The following RBMS3 variants were observed in gnomAD, a reference collection of about 807,000 sequenced individuals.
The protein encoded by RBMS3 is RNA-binding motif, single-stranded-interacting protein 3.
In RBMS3, 27 loss-of-function variants were observed where a neutral mutation model predicts 66.8. The ratio of observed to expected loss-of-function variants is 0.40; its 90% CI spans 0.30 to 0.56. RBMS3 has a LOEUF of 0.56. Among genes scored for constraint, RBMS3 ranks in the 20% least tolerant of loss-of-function variants. RBMS3 has a pLI of 0.40. For missense variants in RBMS3, 513 were observed against 549.5 expected (o/e 0.93, Z 0.66); for synonymous variants, 188 against 183.0 (o/e 1.03, Z -0.22).
chr3:29,558,217 A>T (rs746892018), intron 3 of RBMS3, among the ~76,000 whole-genome samples: 1 of 152,170 alleles, frequency 6.6e-6, no homozygotes, highest in South Asian at 2.1e-4. Flanking sequence ...TATACAGGAC[A>T]AGTGAAGGAG....
At chr3:29,723,833 A>G (rs1211211240) in intron 4 of RBMS3, among the ~76,000 whole-genome samples, 7 of 152,184 alleles carry the variant, frequency 4.6e-5, no homozygotes, top group Admixed American at 4.6e-4. Flanking sequence ...CAGCATTTTA[A>G]TGTACTGCAG....
chr3:29,734,557 A>G (rs2054294467), intron 4 of RBMS3, among the ~76,000 whole-genome samples: 1 of 152,054 alleles, frequency 6.6e-6, no homozygotes, highest in African/African-American at 2.4e-5. Flanking sequence ...ATGTTTTTTA[A>G]AAAGGGTTCG....
At chr3:29,571,027 G>T (rs1189966485) in intron 3 of RBMS3, among the ~76,000 whole-genome samples, 2 of 151,838 alleles carry the variant, frequency 1.3e-5, no homozygotes, top group East Asian at 3.9e-4. Flanking sequence ...ATTTTAACTG[G>T]GCTGAGATGA....
intron 10 of RBMS3, among the ~76,000 whole-genome samples, chr3:29,928,073 G>A (rs905156633): frequency 2.6e-5 from 4 of 151,140 alleles, no homozygotes; most frequent in Non-Finnish European, 4.4e-5. Context: ...AAAAACTAAC[G>A]CAGCTCTAGG....
chr3:29,659,587 C>T (rs999791988), intron 4 of RBMS3, among the ~76,000 whole-genome samples: 1 of 152,166 alleles, frequency 6.6e-6, no homozygotes, highest in Non-Finnish European at 1.5e-5. Flanking sequence ...AATACTATTA[C>T]AGTATATGTA....
chr3:29,719,705 A>T (rs56123962), intron 4 of RBMS3, among the ~76,000 whole-genome samples: 63,785 of 151,988 alleles, frequency 0.42, 14,405 homozygotes, highest in African/African-American at 0.6. Flanking sequence ...AGGACGCAAA[A>T]GTCAAAACCC....
chr3:29,487,560 C>T (rs905003084), intron 2 of RBMS3, among the ~76,000 whole-genome samples: 8 of 152,000 alleles, frequency 5.3e-5, no homozygotes, highest in African/African-American at 1.2e-4. Flanking sequence ...TCAGAGAATG[C>T]CGAGGGCTGG....
intron 1 of RBMS3, among the ~76,000 whole-genome samples, chr3:29,397,446 G>A (rs1414909196): frequency 1.3e-5 from 2 of 152,066 alleles, no homozygotes; most frequent in East Asian, 3.9e-4. Context: ...CCCCAAATTG[G>A]CCTTGGTTTT....
At chr3:29,898,460 T>G (rs1167894482) in intron 9 of RBMS3, among the ~76,000 whole-genome samples, 1 of 151,684 alleles carries the variant, frequency 6.6e-6, no homozygotes, top group African/African-American at 2.4e-5. Flanking sequence ...AGTCACTATA[T>G]ACTTCATTTC....
rs189228713 is a variant in RBMS3, at chr3:29,575,684, A to G, written c.308-11430A>G. Among the ~76,000 whole-genome samples the G allele has an allele frequency of 4.6e-4, 70 of 151,992 alleles. No individual in the cohort carries two copies. In the East Asian group the frequency reaches 8.4e-3, roughly 18 times the overall value. On this transcript the variant is annotated intron_variant, in intron 3 of 14. Transcript: ENST00000383767. ...TTTCTAGATCTTGTCAGCATGCTTC[A>G]TTGCTTTCTACTCTTTTTTGTCCCC...
intron 4 of RBMS3, among the ~76,000 whole-genome samples, chr3:29,667,430 A>G (rs2050813902): frequency 6.6e-6 from 1 of 152,160 alleles, no homozygotes; most frequent in African/African-American, 2.4e-5. Context: ...CCCCAAACCT[A>G]TTAATCAAAA....
At chr3:29,752,865 G>T (rs1347137054) in intron 5 of RBMS3, among the ~76,000 whole-genome samples, 2 of 152,060 alleles carry the variant, frequency 1.3e-5, no homozygotes, top group East Asian at 1.9e-4. Flanking sequence ...AAGGGCATAG[G>T]TAAAGGCCCA....
intron 1 of RBMS3, among the ~76,000 whole-genome samples, chr3:29,395,805 T>C (rs2039519822): frequency 6.6e-6 from 1 of 152,134 alleles, no homozygotes; most frequent in African/African-American, 2.4e-5. Flanking sequence ...TGCTACTAAG[T>C]AATAAAGGGT....
chr3:29,590,711 T>C (rs1163604208), intron 4 of RBMS3, among the ~76,000 whole-genome samples: 1 of 152,044 alleles, frequency 6.6e-6, no homozygotes, highest in African/African-American at 2.4e-5. Flanking sequence ...AATATGTGTC[T>C]CTATAAGCAT....
intron 12 of RBMS3, among the ~76,000 whole-genome samples, chr3:29,976,961 G>T (rs1233690599): frequency 6.6e-6 from 1 of 152,040 alleles, no homozygotes; most frequent in African/African-American, 2.4e-5. Flanking sequence ...TTTGTTAAAA[G>T]AAATTTTGAA....
chr3:29,650,283 T>C (rs1033797987), intron 4 of RBMS3, among the ~76,000 whole-genome samples: 99 of 149,782 alleles, frequency 6.6e-4, no homozygotes, highest in Admixed American at 1.2e-3. Flanking sequence ...TTCTTTCTTT[T>C]TTTTTTTTTT....
chr3:29,363,430 G>A (rs1220625828), intron 1 of RBMS3, among the ~76,000 whole-genome samples: 1 of 152,118 alleles, frequency 6.6e-6, no homozygotes, highest in Admixed American at 6.6e-5. Context: ...TGAAAAGGAT[G>A]ATGAAGGCTT....
rs9880784 is a variant in RBMS3 at position 29,809,715 on chromosome 3, T to C, written c.637+46726T>C. Among the ~76,000 whole-genome samples the C allele has an allele frequency of 2.2e-3, 335 of 152,126 alleles. 4 individuals carry two copies. The highest frequency in any genetic ancestry group is 7.7e-3 in the African/African-American group (322 of 41,556). On this transcript the variant is annotated intron_variant, in intron 6 of 14. Coordinates refer to ENST00000383767, the MANE Select transcript of RBMS3 (RefSeq NM_001003793.3). Reference sequence around the variant, plus strand: ...TTTAGGAATTAGGAGAAAGTACCTGTTTCTGAGCAATCCTCTCAAAAGTCT... The same window carrying C: ...TTTAGGAATTAGGAGAAAGTACCTGCTTCTGAGCAATCCTCTCAAAAGTCT...
At chr3:29,542,560 C>T (rs2149014559) in intron 3 of RBMS3, among the ~76,000 whole-genome samples, 1 of 152,264 alleles carries the variant, frequency 6.6e-6, no homozygotes, top group Non-Finnish European at 1.5e-5. Context: ...GGGGTTTCAC[C>T]ATGTTGGCCA....
Sources: gnomAD v4.1 joint callset for allele counts (sites outside exome capture counted in the v4.1 genomes callset) on GRCh38, gnomAD v4.1.1 for gene constraint, MANE v1.5 for transcripts, NCBI Gene and HGNC (gene_info 2026-07-23, HGNC 2026-07-21) for gene names.